KALRN: variants seen among roughly 807,000 people sequenced by gnomAD.
The protein encoded by KALRN is kalirin RhoGEF kinase.
KALRN carries 70 observed loss-of-function variants against 353.7 expected under a neutral mutation model. The ratio of observed to expected loss-of-function variants is 0.20; its 90% CI spans 0.16 to 0.24. The LOEUF is 0.24. Among genes scored for constraint, KALRN ranks in the 10% least tolerant of loss-of-function variants. The pLI is 1.00. For synonymous variants in KALRN, 1,391 were observed against 1,434.8 expected (o/e 0.97, Z 0.69); for missense variants, 2,791 against 3,756.7 (o/e 0.74, Z 6.72).
chr3:124,665,304 T>C (rs1441283298), intron 45 of KALRN, among the ~76,000 whole-genome samples: 1 of 152,202 alleles, frequency 6.6e-6, no homozygotes, highest in African/African-American at 2.4e-5. Flanking sequence ...GAAGACTTTC[T>C]GGGTTGGGCC....
chr3:124,466,519 G>A (rs943993901), intron 25 of KALRN, among the ~76,000 whole-genome samples: 17 of 152,144 alleles, frequency 1.1e-4, no homozygotes, highest in Non-Finnish European at 7.3e-5. Context: ...ACTTTGCTGT[G>A]GACAGCTTTT....
intron 33 of KALRN, among the ~76,000 whole-genome samples, chr3:124,536,349 G>A (rs1238426657): frequency 1.3e-5 from 2 of 152,014 alleles, no homozygotes; most frequent in African/African-American, 4.8e-5. Context: ...TTACAGGCAT[G>A]AGCCACCACG....
At chr3:124,456,145 C>T (rs1163440582) in intron 22 of KALRN, among the ~76,000 whole-genome samples, 4 of 152,102 alleles carry the variant, frequency 2.6e-5, no homozygotes, top group African/African-American at 7.2e-5. Flanking sequence ...TGTTATTTAG[C>T]TTTCTGTTTC....
chr3:124,637,383 T>A, intron 37 of KALRN, 80 bp downstream of exon 37: 1 of 1,029,022 alleles, frequency 9.7e-7, no homozygotes, highest in Non-Finnish European at 1.5e-6. Context: ...TGCCGTTTTC[T>A]CCTTTGCACC....
chr3:124,210,536 A>G (rs769302078), intron 1 of KALRN, among the ~76,000 whole-genome samples: 11 of 152,300 alleles, frequency 7.2e-5, no homozygotes, highest in East Asian at 3.9e-4. Context: ...GATTTAGGCA[A>G]TGGAACAGCT....
chr3:124,628,742 A>ATTTTTTTTT (rs58523719), intron 34 of KALRN, among the ~76,000 whole-genome samples: 15 of 100,142 alleles, frequency 1.5e-4, no homozygotes, highest in African/African-American at 6.5e-4. Flanking sequence ...CACCTGGCTA[A>ATTTTTTTTT]TTTTTTTTTT....
At chr3:124,702,726 C>G (rs552052172) in intron 57 of KALRN, among the ~76,000 whole-genome samples, 1 of 152,184 alleles carries the variant, frequency 6.6e-6, no homozygotes, top group South Asian at 2.1e-4. Context: ...GTGTACCAAG[C>G]ACATTAATTA....
intron 57 of KALRN, among the ~76,000 whole-genome samples, chr3:124,709,006 C>A (rs2062768336): frequency 6.6e-6 from 1 of 151,750 alleles, no homozygotes; most frequent in Non-Finnish European, 1.5e-5. Context: ...AAGAGCTGGC[C>A]ACCAAGAATT....
At chr3:124,352,572 TAAAG>T (rs1438295600) in intron 10 of KALRN, among the ~76,000 whole-genome samples, 2 of 152,206 alleles carry the variant, frequency 1.3e-5, no homozygotes, top group African/African-American at 2.4e-5. Context: ...GCAGACAATT[TAAAG>T]AAAGACTTAA....
chr3:124,283,058 A>G (rs1378079123), intron 5 of KALRN, among the ~76,000 whole-genome samples: 1 of 152,226 alleles, frequency 6.6e-6, no homozygotes, highest in Non-Finnish European at 1.5e-5. Context: ...GCCTCCTCCC[A>G]GAGAGGGGCT....
rs1029004451 is a variant in KALRN at position 124,724,793 on chromosome 3, G to A, written c.*5323G>A. 6.6e-6 allele frequency: 1 copy of A among 152,168 alleles called. No homozygotes were observed. The highest frequency in any genetic ancestry group is 6.5e-5 in the Admixed American group (1 of 15,278). 9.4% of individuals were successfully genotyped at this position (152,168 alleles called of 1,614,324 possible). ...CTTCAATAAATATGAAGAAGTTAGA[G>A]GAGAGGAAAAAGCAATCACTCTAAG... On this transcript the variant is annotated 3_prime_UTR_variant, in exon 60 of 60. Transcript: ENST00000682506.
intron 5 of KALRN, among the ~76,000 whole-genome samples, chr3:124,291,100 G>T (rs1421698044): frequency 2.6e-5 from 4 of 152,216 alleles, no homozygotes; most frequent in Non-Finnish European, 5.9e-5. Context: ...CAGCAGAGCA[G>T]TGCTTGCAGC....
intron 1 of KALRN, among the ~76,000 whole-genome samples, chr3:124,220,634 A>C (rs150358456): frequency 7.8e-4 from 119 of 152,296 alleles, no homozygotes; most frequent in African/African-American, 2.8e-3. Flanking sequence ...CCCATTTTCT[A>C]CACAGAAGAG....
At chr3:124,364,525 G>C (rs1297723799) in intron 10 of KALRN, among the ~76,000 whole-genome samples, 1 of 152,214 alleles carries the variant, frequency 6.6e-6, no homozygotes, top group East Asian at 1.9e-4. Flanking sequence ...GGAAGAACAT[G>C]TTCCTGCTTT....
At chr3:124,244,473 G>A (rs1295074822) in intron 3 of KALRN, among the ~76,000 whole-genome samples, 1 of 152,188 alleles carries the variant, frequency 6.6e-6, no homozygotes, top group Non-Finnish European at 1.5e-5. Context: ...CTGACCTCAA[G>A]TGATCCACAC....
At chr3:124,277,934 A>G (rs556593253) in intron 5 of KALRN, among the ~76,000 whole-genome samples, 1 of 152,026 alleles carries the variant, frequency 6.6e-6, no homozygotes, top group South Asian at 2.1e-4. Context: ...GGGCTGTCAC[A>G]CTGACTCTGT....
chr3:124,664,434 G>A (rs1332436844), intron 45 of KALRN, among the ~76,000 whole-genome samples: 1 of 146,354 alleles, frequency 6.8e-6, no homozygotes, highest in African/African-American at 2.5e-5. Context: ...TTTTTGAGAT[G>A]GAGTCTTGCT....
intron 33 of KALRN, among the ~76,000 whole-genome samples, chr3:124,534,442 A>G (rs1427852793): frequency 1.3e-5 from 2 of 152,202 alleles, no homozygotes; most frequent in Admixed American, 6.5e-5. Context: ...TAAAACCTAG[A>G]TGATGGGTTG....
chr3:124,545,935 T>C (rs1317654339), intron 33 of KALRN, among the ~76,000 whole-genome samples: 1 of 152,164 alleles, frequency 6.6e-6, no homozygotes, highest in Non-Finnish European at 1.5e-5. Context: ...AGATGCATTA[T>C]GGTTGAGAAA....
Sources: gnomAD v4.1 joint callset for allele counts (sites outside exome capture counted in the v4.1 genomes callset) on GRCh38, gnomAD v4.1.1 for gene constraint, MANE v1.5 for transcripts, NCBI Gene and HGNC (gene_info 2026-07-23, HGNC 2026-07-21) for gene names.